Variants in FBXO38 observed in about 807,000 individuals in gnomAD.
FBXO38 encodes F-box protein 38.
In FBXO38, 53 loss-of-function variants were observed where a neutral mutation model predicts 131.9. The observed-to-expected ratio is 0.40, with a 90% CI of 0.32 to 0.51. FBXO38 has a LOEUF of 0.51. Among genes scored for constraint, FBXO38 ranks in the 20% least tolerant of loss-of-function variants. The pLI, the probability that FBXO38 is intolerant of heterozygous loss-of-function variation, is 0.53. For missense variants in FBXO38, 1,076 were observed against 1,475.6 expected (o/e 0.73, Z 4.44); for synonymous variants, 452 against 505.6 (o/e 0.89, Z 1.42).
intron 1 of FBXO38, among the ~76,000 whole-genome samples, chr5:148,394,326 A>G (rs1287935841): frequency 6.6e-6 from 1 of 152,144 alleles, no homozygotes; most frequent in Non-Finnish European, 1.5e-5. Flanking sequence ...CCTAGAAAGA[A>G]CCACAAGCTC....
chr5:148,408,193 CTA>C (rs1473647787), intron 7 of FBXO38, among the ~76,000 whole-genome samples: 7 of 152,192 alleles, frequency 4.6e-5, no homozygotes, highest in Non-Finnish European at 8.8e-5. Flanking sequence ...ACTAAAATGA[CTA>C]TGCCTACTCG....
rs1314412618 is a variant in FBXO38, at chr5:148,440,463, A to C, written c.3210A>C (p.Arg1070=). The C allele has an allele frequency of 6.2e-7, 1 of 1,612,942 alleles. No individual in the cohort carries two copies. Among genetic ancestry groups the C allele is most frequent in the South Asian group, 1.1e-5 (1 of 91,014 alleles). Residue 1070 remains arginine (R), a synonymous_variant, in exon 20 of 22, where the codon CGA becomes CGC. Coordinates refer to ENST00000340253, the MANE Select transcript of FBXO38 (RefSeq NM_205836.3). ...IKYEFFPEAT[R]SEEDLKKYPK... The stretch of plus-strand genomic sequence containing the variant: ...ATGAATTCTTCCCTGAAGCCACTCG[A>C]AGTGAAGAAGACTTAAAGAAATACC...
rs60593654 is a variant in FBXO38 at position 148,393,188 on chromosome 5, GGTGTGTGT to G, written c.-63-1486_-63-1479del. Reference sequence around the variant, plus strand: ...TACTGGTTAGAAACAACAGAAGAGGGGTGTGTGTGTGTGTGTGTGTGTGTGTGTGTGTG... The same window carrying G: ...TACTGGTTAGAAACAACAGAAGAGGGGTGTGTGTGTGTGTGTGTGTGTGTG... On this transcript the variant is annotated intron_variant, in intron 1 of 21. Transcript: ENST00000340253. 8.2e-3 allele frequency among the ~76,000 whole-genome samples: 1,048 copies of G among 127,068 alleles called. 10 individuals carry two copies. The highest frequency in any genetic ancestry group is 0.025 in the African/African-American group (818 of 32,832). The allele number at this position is 127,068 out of a possible 152,430, so 83.4% of individuals were successfully genotyped here. A position where few individuals can be genotyped will look rare whatever the true frequency, so the allele number is the denominator to read the frequency against.
In FBXO38 at chr5:148,424,254, TG is replaced by T. The variant is rs1378484438; in HGVS notation, c.1738+138del. On this transcript the variant is annotated intron_variant, in intron 13 of 21. Transcript: ENST00000340253. ...TTTTATGCTATTGATTACTGAGAACTGTAATACATTGCTGGTATTCTTGTTG... is the reference window on the plus strand; with the variant it reads ...TTTTATGCTATTGATTACTGAGAACTTAATACATTGCTGGTATTCTTGTTG... 5 of 828,594 alleles carry T rather than the reference TG, an allele frequency of 6.0e-6. No homozygotes were observed. In the East Asian group the frequency reaches 1.3e-4, roughly 22 times the overall value. The allele number at this position is 828,594 out of a possible 1,614,324, so 51.3% of individuals were successfully genotyped here.
intron 12 of FBXO38, among the ~76,000 whole-genome samples, chr5:148,420,517 A>G (rs1346121452): frequency 1.3e-5 from 2 of 152,180 alleles, no homozygotes; most frequent in African/African-American, 4.8e-5. Flanking sequence ...GTCTATTTTT[A>G]TGTAACTACT....
In FBXO38 at chr5:148,424,466, A is replaced by AG. The variant is rs1266669037; in HGVS notation, c.1738+350dup. ...ATTGCCCTCCCCTCAATTCAGTTAG[A>AG]GAGGAGGAGCAGTTGAGAAGTTGAC... On this transcript the variant is annotated intron_variant, in intron 13 of 21. Transcript: ENST00000340253. 4.6e-5 allele frequency among the ~76,000 whole-genome samples: 7 copies of AG among 152,354 alleles called. No individual in the cohort carries two copies. The East Asian group carries it at 1.3e-3, about 29-fold the overall frequency.
chr5:148,422,760 T>C (rs921555451), intron 12 of FBXO38, among the ~76,000 whole-genome samples: 4 of 152,244 alleles, frequency 2.6e-5, no homozygotes, highest in African/African-American at 7.2e-5. Flanking sequence ...TGGAAAACCT[T>C]ATCACATTGA....
At position 148,406,262 on chromosome 5, in the gene FBXO38, A is replaced by G; in HGVS notation, c.736A>G (p.Thr246Ala). Reference sequence around the variant, plus strand: ...AGATTTTTTTTTTTTTCCAGGACCCACAAATTCCTTGAAATATGTCCCTTT... The same window carrying G: ...AGATTTTTTTTTTTTTCCAGGACCCGCAAATTCCTTGAAATATGTCCCTTT... ...TFVMRNCAGP[T>A]NSLKYVPLVT... Residue 246 changes from threonine to alanine, a missense_variant, in exon 7 of 22, where the codon ACA becomes GCA. Around this residue, in one of 8 missense-constraint regions of FBXO38, gnomAD observed 66 missense variants for 72.4 expected, o/e 0.91. Coordinates refer to ENST00000340253, the MANE Select transcript of FBXO38 (RefSeq NM_205836.3). 6.4e-7 allele frequency: 1 copy of G among 1,568,968 alleles called. No homozygotes were observed. The highest frequency in any genetic ancestry group is 2.0e-5 in the Admixed American group (1 of 49,474).
At chr5:148,410,845 C>A in intron 9 of FBXO38, 80 bp downstream of exon 9, 1 of 1,364,916 alleles carries the variant, frequency 7.3e-7, no homozygotes, top group Non-Finnish European at 1.0e-6. Flanking sequence ...TGGGTTGTGC[C>A]ATGTCTTTTT....
At position 148,438,339 on chromosome 5, in the gene FBXO38, G is replaced by A. The variant is rs1754468369; in HGVS notation, c.2865G>A (p.Arg955=). The change falls in exon 18 of 22, where the codon AGG becomes AGA. Residue 955 remains arginine, a synonymous_variant. Coordinates refer to ENST00000340253, the MANE Select transcript of FBXO38 (RefSeq NM_205836.3). ...ATTGTTTTCATTTTGTAGCTACCAG[G>A]TGCAGGGTACTAAAACATTTAAAGG... ...CPKMMFIHAT[R]CRVLKHLKVE... 1 of 1,613,590 alleles carries A rather than the reference G, an allele frequency of 6.2e-7. No individual in the cohort carries two copies. Among genetic ancestry groups the A allele is most frequent in the Admixed American group, 1.7e-5 (1 of 59,960 alleles).
At chr5:148,438,643 T>G in intron 18 of FBXO38, 145 bp downstream of exon 18, 1 of 795,920 alleles carries the variant, frequency 1.3e-6, no homozygotes, top group Non-Finnish European at 2.0e-6. Context: ...ACAGGTTATG[T>G]ATGATATAGG....
chr5:148,439,598 C>T, intron 18 of FBXO38, 49 bp from the exon 19 acceptor site: 1 of 1,571,226 alleles, frequency 6.4e-7, no homozygotes, highest in East Asian at 2.3e-5. Context: ...AGAGAGATTT[C>T]TAAGGCATTC....
At position 148,399,297 on chromosome 5, in the gene FBXO38, C is replaced by G; in HGVS notation, c.262+165C>G. The G allele has an allele frequency of 4.3e-6, 3 of 698,176 alleles. No homozygotes were observed. In the South Asian group the frequency reaches 5.9e-5, roughly 14 times the overall value. The allele number at this position is 698,176 out of a possible 1,614,324, so 43.2% of individuals were successfully genotyped here. A position where few individuals can be genotyped will look rare whatever the true frequency, so the allele number is the denominator to read the frequency against. ...ATGTTGGGTTTTAGGTTGTAAAATG[C>G]GTTTTACCTGAGGCTTTATTGTTTT... On this transcript the variant is annotated intron_variant, in intron 3 of 21. Transcript: ENST00000340253.
chr5:148,398,804 G>A (rs1751972914), intron 2 of FBXO38, among the ~76,000 whole-genome samples, 195 bp from the exon 3 acceptor site: 1 of 151,480 alleles, frequency 6.6e-6, no homozygotes, highest in African/African-American at 2.4e-5. Context: ...TACCTTATTT[G>A]GATACTCAAC....
rs184252526 is a variant in FBXO38, at chr5:148,429,373, A to G, written c.2653+1426A>G. On this transcript the variant is annotated intron_variant, in intron 15 of 21. Transcript: ENST00000340253. ...TCCAAACTATCACCATCTTGTTTCA[A>G]TATTGGTTATGGATGTCCATTCTCG... Among the ~76,000 whole-genome samples the G allele has an allele frequency of 5.3e-5, 8 of 151,724 alleles. No individual in the cohort carries two copies. The East Asian group carries it at 1.2e-3, about 22-fold the overall frequency.
rs74519156 is a variant in FBXO38 at position 148,418,030 on chromosome 5, C to T, written c.1618+826C>T. On this transcript the variant is annotated intron_variant, in intron 12 of 21. Coordinates refer to ENST00000340253, the MANE Select transcript of FBXO38 (RefSeq NM_205836.3). ...TTAGGGGCACTCTGAGTATACAGTT[C>T]CTGACAAAAGAATCATCTGTAGGCA... Among the ~76,000 whole-genome samples the T allele has an allele frequency of 6.6e-5, 10 of 152,212 alleles. No individual in the cohort carries two copies. In the East Asian group the frequency reaches 1.9e-3, roughly 29 times the overall value.
At chr5:148,390,581 A>G (rs1758148562) in intron 1 of FBXO38, among the ~76,000 whole-genome samples, 1 of 152,184 alleles carries the variant, frequency 6.6e-6, no homozygotes, top group African/African-American at 2.4e-5. Flanking sequence ...GCTTTTTGCT[A>G]GTTAGTGTTA....
At chr5:148,401,049 G>C (rs543679689) in intron 3 of FBXO38, among the ~76,000 whole-genome samples, 2 of 152,196 alleles carry the variant, frequency 1.3e-5, no homozygotes, top group Non-Finnish European at 2.9e-5. Flanking sequence ...TGTTAAATGA[G>C]ATAACTTAAA....
chr5:148,403,566 T>C (rs1209864656), intron 5 of FBXO38, among the ~76,000 whole-genome samples: 1 of 152,186 alleles, frequency 6.6e-6, no homozygotes, highest in Non-Finnish European at 1.5e-5. Context: ...CATCTCAATC[T>C]GTACCTCACT....
Sources: allele counts gnomAD v4.1 joint callset (sites outside exome capture counted in the v4.1 genomes callset), GRCh38; gene constraint gnomAD v4.1.1; regional missense constraint gnomAD v4.1.1; transcripts MANE v1.5; gene names NCBI Gene and HGNC (gene_info 2026-07-23, HGNC 2026-07-21).